DNAH11: variants seen among roughly 807,000 people sequenced by gnomAD.
DNAH11 encodes dynein axonemal heavy chain 11.
DNAH11 carries 442 observed loss-of-function variants against 526.0 expected under a neutral mutation model. That is an observed-to-expected ratio of 0.84 (90% CI 0.78 to 0.91). The LOEUF is 0.91. DNAH11 is among the 40% of genes least tolerant of loss of function. The pLI, the probability that DNAH11 is intolerant of heterozygous loss-of-function variation, is 0.00. For synonymous variants in DNAH11, 2,461 were observed against 1,935.9 expected (o/e 1.27, Z -7.12); for missense variants, 6,989 against 5,448.7 (o/e 1.28, Z -8.90).
intron 74 of DNAH11, among the ~76,000 whole-genome samples, chr7:21,877,735 C>T (rs973935472): frequency 4.6e-5 from 7 of 151,948 alleles, no homozygotes; most frequent in Non-Finnish European, 7.4e-5. Context: ...ATTAGCCAGG[C>T]GTGGTGGTGG....
chr7:21,856,975 T>C (rs186787638), intron 68 of DNAH11, among the ~76,000 whole-genome samples: 5 of 152,320 alleles, frequency 3.3e-5, no homozygotes, highest in African/African-American at 1.2e-4. Context: ...CTGGAAGTTA[T>C]AGTCGGTACA....
At chr7:21,623,297 T>A (rs1224896074) in intron 25 of DNAH11, among the ~76,000 whole-genome samples, 1 of 150,514 alleles carries the variant, frequency 6.6e-6, no homozygotes, top group African/African-American at 2.4e-5. Flanking sequence ...ATGGCAATCA[T>A]TAAAAAGTCA....
chr7:21,623,716 G>C (rs11975518), intron 25 of DNAH11, among the ~76,000 whole-genome samples: 66,347 of 149,984 alleles, frequency 0.44, 14,906 homozygotes, highest in East Asian at 0.59. Flanking sequence ...ATCACAAGAA[G>C]AAAAAACCAA....
At chr7:21,585,614 A>C (rs1176898316) in intron 9 of DNAH11, among the ~76,000 whole-genome samples, 1 of 152,216 alleles carries the variant, frequency 6.6e-6, no homozygotes, top group African/African-American at 2.4e-5. Context: ...TGGCTCTCTA[A>C]AATTTACATG....
At position 21,866,595 on chromosome 7, in the gene DNAH11, G is replaced by GT; in HGVS notation, c.11622_11623insT (p.Lys3875Ter). On this transcript the variant is annotated frameshift_variant, in exon 71 of 82. Transcript: ENST00000409508. LOFTEE classifies it high-confidence loss of function. ...AAAAATTACCTCAAGAATGGAAGAA[G>GT]AAAAGTTTAATACAGAAGCTGATTC... The GT allele has an allele frequency of 6.2e-7, 1 of 1,613,908 alleles. No individual in the cohort carries two copies. Among genetic ancestry groups the GT allele is most frequent in the Non-Finnish European group, 8.5e-7 (1 of 1,179,860 alleles).
chr7:21,646,165 A>G (rs1787349214), intron 28 of DNAH11, among the ~76,000 whole-genome samples: 1 of 152,344 alleles, frequency 6.6e-6, no homozygotes, highest in South Asian at 2.1e-4. Flanking sequence ...GCTAGTAAAC[A>G]TAAGAAAGGT....
rs191855648 is a variant in DNAH11, at chr7:21,847,600, G to C, written c.10896+4852G>C. Among the ~76,000 whole-genome samples, 220 of 152,210 alleles carry C rather than the reference G, an allele frequency of 1.4e-3. 3 individuals are homozygous for C. In the South Asian group the frequency reaches 0.017, roughly 12 times the overall value. On this transcript the variant is annotated intron_variant, in intron 66 of 81. Transcript: ENST00000409508. ...TTTGGTGTGTTACTTGGTCCATCTT[G>C]GCAAATGTTCCATGTGAGCTTGAGA... is the stretch of plus-strand genomic sequence containing the variant.
intron 54 of DNAH11, among the ~76,000 whole-genome samples, chr7:21,760,449 G>A (rs143480634): frequency 0.01 from 1,574 of 152,216 alleles, 17 homozygotes; most frequent in South Asian, 0.024. Context: ...AGCTGACCTC[G>A]TAATCACATC....
At chr7:21,811,071 T>A (rs1469072264) in intron 63 of DNAH11, among the ~76,000 whole-genome samples, 1 of 151,792 alleles carries the variant, frequency 6.6e-6, no homozygotes, top group Non-Finnish European at 1.5e-5. Context: ...ACATACGGTA[T>A]AAATACACAA....
chr7:21,707,937 T>A, intron 40 of DNAH11, 102 bp downstream of exon 40: 1 of 1,247,310 alleles, frequency 8.0e-7, no homozygotes, highest in Non-Finnish European at 1.1e-6. Flanking sequence ...TTACTGTTTA[T>A]GTGTTGGCAT....
chr7:21,705,498 G>C lies in DNAH11; in HGVS notation c.6507G>C (p.Ser2169=). The change falls in exon 39 of 82, where the codon TCG becomes TCC. Residue 2169 remains serine (S), a synonymous_variant. Transcript: ENST00000409508. The part of the protein sequence containing the change: ...QLEELLAVRH[S]VFVVGNAGTG... ...AGGAACTGTTGGCTGTGCGGCACTC[G>C]GTCTTTGTAGTTGGAAATGCAGGCA... 6.2e-7 allele frequency: 1 copy of C among 1,613,620 alleles called. No individual in the cohort carries two copies. Among genetic ancestry groups the C allele is most frequent in the Non-Finnish European group, 8.5e-7 (1 of 1,179,660 alleles).
chr7:21,549,090 G>A (rs113293079), intron 2 of DNAH11, among the ~76,000 whole-genome samples: 15,918 of 152,134 alleles, frequency 0.1, 1,049 homozygotes, highest in Non-Finnish European at 0.15. Context: ...TGTTGGCCAG[G>A]CTGGTCTCGA....
At chr7:21,777,048 C>G (rs1029084408) in intron 56 of DNAH11, among the ~76,000 whole-genome samples, 1 of 152,062 alleles carries the variant, frequency 6.6e-6, no homozygotes, top group Non-Finnish European at 1.5e-5. Context: ...ACAGAAAGAT[C>G]CCATGTTGCC....
At chr7:21,596,073 G>A (rs2128445346) in intron 14 of DNAH11, among the ~76,000 whole-genome samples, 1 of 152,340 alleles carries the variant, frequency 6.6e-6, no homozygotes, top group South Asian at 2.1e-4. Flanking sequence ...ATTAACATGG[G>A]TTTCAGTGTT....
At chr7:21,646,187 A>G (rs1250740901) in intron 28 of DNAH11, among the ~76,000 whole-genome samples, 2 of 152,256 alleles carry the variant, frequency 1.3e-5, no homozygotes, top group African/African-American at 2.4e-5. Context: ...GCTCAATTTC[A>G]GAAGTCATCA....
chr7:21,625,005 G>C (rs59049066), intron 25 of DNAH11, among the ~76,000 whole-genome samples: 34,986 of 151,468 alleles, frequency 0.23, 4,606 homozygotes, highest in East Asian at 0.48. Context: ...TTCTTTACTT[G>C]TGGTGTCCTT....
intron 61 of DNAH11, among the ~76,000 whole-genome samples, chr7:21,800,330 G>T (rs532068481): frequency 2.0e-5 from 3 of 151,958 alleles, no homozygotes; most frequent in Non-Finnish European, 4.4e-5. Flanking sequence ...CAGTCCCTAC[G>T]TCCAGAAGAG....
In DNAH11 at chr7:21,543,143, G is replaced by A. The variant is rs1017341981; in HGVS notation, c.-103G>A. On this transcript the variant is annotated 5_prime_UTR_variant, in exon 1 of 82. Coordinates refer to ENST00000409508, the MANE Select transcript of DNAH11 (RefSeq NM_001277115.2). The stretch of plus-strand genomic sequence containing the variant: ...TAGGGTCTGCGCTCGCGGCGACCGC[G>A]GAGGAGGGTGGGCGCCTGCGGAGGT... The A allele has an allele frequency of 7.7e-6, 11 of 1,434,294 alleles. No homozygotes were observed. The African/African-American group carries it at 1.4e-4, about 19-fold the overall frequency. The allele number at this position is 1,434,294 out of a possible 1,614,324, so 88.8% of individuals were successfully genotyped here.
intron 31 of DNAH11, 171 bp downstream of exon 31, chr7:21,681,848 T>A: frequency 1.2e-6 from 1 of 842,204 alleles, no homozygotes; most frequent in Middle Eastern, 3.2e-4. Context: ...GCCAATATAT[T>A]ATTCTGATGA....
Sources: gnomAD v4.1 joint callset for allele counts (sites outside exome capture counted in the v4.1 genomes callset) on GRCh38, gnomAD v4.1.1 for gene constraint, MANE v1.5 for transcripts, NCBI Gene and HGNC (gene_info 2026-07-23, HGNC 2026-07-21) for gene names.